The following CPPED1 variants were observed in gnomAD, a reference collection of about 807,000 sequenced individuals.
CPPED1 encodes calcineurin like phosphoesterase domain containing 1, also known as serine/threonine-protein phosphatase CPPED1.
A neutral mutation model predicts 28.0 loss-of-function variants in CPPED1; 28 were observed. The observed-to-expected ratio is 1.00, with a 90% CI of 0.74 to 1.37. The LOEUF is 1.37. Among genes scored for constraint, CPPED1 ranks in the 40% most tolerant of loss-of-function variants. The pLI is 0.00. For synonymous variants in CPPED1, 198 were observed against 180.2 expected, an observed-to-expected ratio of 1.10 and a Z score of -0.79; for missense variants, 504 against 416.5, an observed-to-expected ratio of 1.21 and a Z score of -1.83.
At chr16:12,736,234 TA>T (rs2080226134) in intron 2 of CPPED1, among the ~76,000 whole-genome samples, 1 of 151,872 alleles carries the variant, frequency 6.6e-6, no homozygotes. Context: ...AAGAAAAGGT[TA>T]AACACCTTTG....
intron 2 of CPPED1, chr16:12,753,796 T>A (rs2080346753): frequency 6.6e-6 from 1 of 152,224 alleles, no homozygotes; most frequent in Non-Finnish European, 1.5e-5. Context: ...CTCATTTATT[T>A]TTTTAACGTC....
At chr16:12,678,469 G>T (rs2079889190) in intron 3 of CPPED1, among the ~76,000 whole-genome samples, 2 of 152,112 alleles carry the variant, frequency 1.3e-5, no homozygotes, top group Non-Finnish European at 2.9e-5. Flanking sequence ...TTGGGATTTT[G>T]TTGAATCTGT....
At position 12,732,504 on chromosome 16, in the gene CPPED1, AG is replaced by A. The variant is rs1418427630; in HGVS notation, c.290-27456del. Among the ~76,000 whole-genome samples the A allele has an allele frequency of 7.3e-4, 110 of 151,138 alleles. 1 individual carries two copies. Among genetic ancestry groups the A allele is most frequent in the Admixed American group, 2.6e-3 (39 of 15,142 alleles). The stretch of plus-strand genomic sequence containing the variant: ...CACACACACACAGATGGAGAGAGAG[AG>A]AGAGAGAGAGAGACAGAGAGAGAGG... On this transcript the variant is annotated intron_variant, in intron 2 of 3. Coordinates refer to ENST00000381774, the MANE Select transcript of CPPED1 (RefSeq NM_018340.3).
At chr16:12,717,378 C>T (rs898486420) in intron 2 of CPPED1, among the ~76,000 whole-genome samples, 8 of 152,218 alleles carry the variant, frequency 5.3e-5, no homozygotes, top group African/African-American at 1.9e-4. Context: ...ATTCTCCTGC[C>T]TCAGTCTCCC....
chr16:12,673,612 G>A (rs570151559), intron 3 of CPPED1, among the ~76,000 whole-genome samples: 7 of 152,310 alleles, frequency 4.6e-5, no homozygotes, highest in African/African-American at 9.6e-5. Context: ...CAGACCCGTG[G>A]ACAGCTGTTC....
chr16:12,708,454 G>A (rs572298330), intron 2 of CPPED1, among the ~76,000 whole-genome samples: 5 of 152,204 alleles, frequency 3.3e-5, no homozygotes, highest in African/African-American at 1.2e-4. Context: ...ATGCAAAGCT[G>A]TCAGCTGTCT....
intron 3 of CPPED1, among the ~76,000 whole-genome samples, chr16:12,669,462 G>T (rs1878709): frequency 0.011 from 1,644 of 152,252 alleles, 25 homozygotes; most frequent in African/African-American, 0.038. Context: ...TACTTCAAAA[G>T]AGTGCATTTT....
At chr16:12,801,272 T>C (rs1407490922) in intron 1 of CPPED1, among the ~76,000 whole-genome samples, 3 of 152,142 alleles carry the variant, frequency 2.0e-5, no homozygotes, top group Non-Finnish European at 4.4e-5. Context: ...TTTGTATTTT[T>C]AGTACAGATG....
chr16:12,704,554 G>C (rs569794425), intron 3 of CPPED1, 70 bp downstream of exon 3: 1 of 1,467,932 alleles, frequency 6.8e-7, no homozygotes, highest in East Asian at 2.3e-5. Flanking sequence ...AGAGAGACGG[G>C]AGAAAGATCT....
chr16:12,727,000 G>C (rs1186220445), intron 2 of CPPED1, among the ~76,000 whole-genome samples: 1 of 152,094 alleles, frequency 6.6e-6, no homozygotes, highest in Non-Finnish European at 1.5e-5. Context: ...GTCAGGGGAA[G>C]GACGCTGCCC....
intron 2 of CPPED1, among the ~76,000 whole-genome samples, chr16:12,771,719 C>G (rs73508418): frequency 6.6e-6 from 1 of 152,214 alleles, no homozygotes; most frequent in Non-Finnish European, 1.5e-5. Context: ...GATTGTGGAA[C>G]CACAGAAAAA....
At chr16:12,801,434 A>G (rs1255501446) in intron 1 of CPPED1, among the ~76,000 whole-genome samples, 1 of 152,120 alleles carries the variant, frequency 6.6e-6, no homozygotes, top group Non-Finnish European at 1.5e-5. Context: ...GCCAGCCCAC[A>G]ACAAATATTT....
intron 3 of CPPED1, among the ~76,000 whole-genome samples, chr16:12,687,587 A>G (rs556385892): frequency 1.6e-4 from 24 of 152,316 alleles, no homozygotes; most frequent in Admixed American, 1.6e-3. Context: ...CCTGGCCAAC[A>G]TGGTGAAACC....
intron 2 of CPPED1, among the ~76,000 whole-genome samples, chr16:12,711,252 G>C (rs1455108517): frequency 6.6e-6 from 1 of 152,212 alleles, no homozygotes; most frequent in African/African-American, 2.4e-5. Context: ...AATACTGTTT[G>C]ATGTCACTTA....
At chr16:12,665,198 A>G (rs916572741) in intron 3 of CPPED1, 83 bp from the exon 4 acceptor site, 4 of 1,163,994 alleles carry the variant, frequency 3.4e-6, no homozygotes, top group African/African-American at 3.2e-5. Flanking sequence ...TTCTGTGAAC[A>G]GTAATATATT....
intron 3 of CPPED1, among the ~76,000 whole-genome samples, chr16:12,679,724 C>T (rs1434335814): frequency 6.6e-6 from 1 of 152,106 alleles, no homozygotes; most frequent in Admixed American, 6.6e-5. Flanking sequence ...GATGTTGGGG[C>T]TCAGAAATGG....
At chr16:12,683,424 G>A (rs939318120) in intron 3 of CPPED1, among the ~76,000 whole-genome samples, 18 of 151,972 alleles carry the variant, frequency 1.2e-4, no homozygotes, top group Admixed American at 3.3e-4. Context: ...GATGACCACC[G>A]GTTCTGTTAT....
At chr16:12,742,620 T>C (rs866750102) in intron 2 of CPPED1, among the ~76,000 whole-genome samples, 1 of 110,064 alleles carries the variant, frequency 9.1e-6, no homozygotes, top group Non-Finnish European at 2.2e-5. Flanking sequence ...ATATGCACCC[T>C]GCACTGAAAA....
intron 3 of CPPED1, among the ~76,000 whole-genome samples, chr16:12,687,382 G>A (rs2079938864): frequency 6.6e-6 from 1 of 152,094 alleles, no homozygotes; most frequent in Non-Finnish European, 1.5e-5. Flanking sequence ...GCTCCCCACT[G>A]CACCAGAGGG....
Sources: allele counts gnomAD v4.1 joint callset (sites outside exome capture counted in the v4.1 genomes callset), GRCh38; gene constraint gnomAD v4.1.1; transcripts MANE v1.5; gene names NCBI Gene and HGNC (gene_info 2026-07-23, HGNC 2026-07-21).